The following RBFOX1 variants were observed in gnomAD, a reference collection of about 807,000 sequenced individuals.
RBFOX1 encodes the protein RNA binding protein fox-1 homolog 1.
Under a neutral mutation model 57.7 loss-of-function variants are expected in RBFOX1, and 8 were observed. The observed-to-expected ratio is 0.14, with a 90% CI of 0.08 to 0.25. RBFOX1 has a LOEUF of 0.25. Ranked by LOEUF, RBFOX1 falls within the 10% of genes least tolerant of loss-of-function variation. The probability of loss-of-function intolerance (pLI) is 1.00; values close to 1 mark genes in which losing one functional copy is unlikely to be tolerated. For missense variants in RBFOX1, 611 were observed against 548.5 expected (o/e 1.11, Z -1.14); for synonymous variants, 326 against 222.4 (o/e 1.47, Z -4.15).
At chr16:5,589,258 T>C (rs7194314) in intron 2 of RBFOX1, among the ~76,000 whole-genome samples, 32,489 of 152,030 alleles carry the variant, frequency 0.21, 3,943 homozygotes, top group African/African-American at 0.32. Context: ...AAGGGAATGC[T>C]TCTGTTCCTT....
chr16:6,211,657 C>A (rs935287768), intron 1 of RBFOX1, among the ~76,000 whole-genome samples: 1 of 152,084 alleles, frequency 6.6e-6, no homozygotes, highest in African/African-American at 2.4e-5. Context: ...AGAAGTACCT[C>A]TTTTCTCTCT....
At chr16:6,861,969 G>T (rs1011259862) in intron 3 of RBFOX1, among the ~76,000 whole-genome samples, 1 of 151,830 alleles carries the variant, frequency 6.6e-6, no homozygotes, top group African/African-American at 2.4e-5. Flanking sequence ...TGCAATGGGA[G>T]GCTTGAATCA....
At chr16:6,700,127 G>C (rs1255175431) in intron 3 of RBFOX1, among the ~76,000 whole-genome samples, 3 of 152,048 alleles carry the variant, frequency 2.0e-5, no homozygotes, top group Non-Finnish European at 4.4e-5. Flanking sequence ...GGAAATTGTA[G>C]AGGCATTCCC....
chr16:6,842,731 G>A (rs2093550895), intron 3 of RBFOX1, among the ~76,000 whole-genome samples: 1 of 149,804 alleles, frequency 6.7e-6, no homozygotes, highest in South Asian at 2.1e-4. Flanking sequence ...GTATACATGT[G>A]CCATGGTGGT....
chr16:7,379,193 T>G (rs773443201), intron 4 of RBFOX1, among the ~76,000 whole-genome samples: 26 of 152,190 alleles, frequency 1.7e-4, no homozygotes, highest in Non-Finnish European at 3.5e-4. Context: ...GGGGAGTGTT[T>G]GGAAGAGAAA....
At chr16:7,234,246 A>G (rs2093654053) in intron 4 of RBFOX1, among the ~76,000 whole-genome samples, 5 of 152,096 alleles carry the variant, frequency 3.3e-5, no homozygotes, top group Admixed American at 3.3e-4. Context: ...TACTCAGGCC[A>G]GGTAATGAAT....
chr16:7,223,047 G>C (rs1165548179), intron 4 of RBFOX1, among the ~76,000 whole-genome samples: 2 of 152,200 alleles, frequency 1.3e-5, no homozygotes, highest in Non-Finnish European at 2.9e-5. Flanking sequence ...AATTAAGCCT[G>C]ATTGCAGATG....
At chr16:5,861,157 A>T (rs1471914996) in intron 3 of RBFOX1, among the ~76,000 whole-genome samples, 2 of 152,208 alleles carry the variant, frequency 1.3e-5, no homozygotes, top group East Asian at 3.8e-4. Context: ...ATTTCCTATC[A>T]TGGAACCATG....
chr16:7,295,622 T>G (rs2095873496), intron 4 of RBFOX1, among the ~76,000 whole-genome samples: 2 of 152,066 alleles, frequency 1.3e-5, no homozygotes, highest in Admixed American at 1.3e-4. Flanking sequence ...GAGATAGATC[T>G]TCAGACCAAG....
intron 4 of RBFOX1, among the ~76,000 whole-genome samples, chr16:7,112,444 T>G (rs1201293220): frequency 6.6e-6 from 1 of 150,934 alleles, no homozygotes; most frequent in African/African-American, 2.4e-5. Flanking sequence ...TGGCCTCAAG[T>G]TGTCCGCCCG....
chr16:7,401,772 A>C (rs999009359), intron 4 of RBFOX1, among the ~76,000 whole-genome samples: 2 of 152,186 alleles, frequency 1.3e-5, no homozygotes, highest in African/African-American at 4.8e-5. Flanking sequence ...TATTGGCACA[A>C]CTCAGGAGAT....
intron 4 of RBFOX1, among the ~76,000 whole-genome samples, chr16:7,409,485 T>C (rs2098400674): frequency 6.6e-6 from 1 of 152,234 alleles, no homozygotes; most frequent in South Asian, 2.1e-4. Flanking sequence ...ACAGGGCTCC[T>C]GAACACAATT....
At chr16:6,823,743 G>T (rs757919751) in intron 3 of RBFOX1, among the ~76,000 whole-genome samples, 1 of 152,108 alleles carries the variant, frequency 6.6e-6, no homozygotes, top group Admixed American at 6.5e-5. Flanking sequence ...TTGAAATTTT[G>T]AATGTTAAAT....
chr16:6,729,988 C>T (rs906681202), intron 3 of RBFOX1, among the ~76,000 whole-genome samples: 5 of 151,898 alleles, frequency 3.3e-5, no homozygotes, highest in East Asian at 3.9e-4. Context: ...AATGACTATA[C>T]TTGTTGAATA....
downstream of RBFOX1, among the ~76,000 whole-genome samples, chr16:5,604,680 C>G (rs1042864838): frequency 6.0e-4 from 91 of 152,172 alleles, no homozygotes; most frequent in African/African-American, 2.0e-3. Context: ...TGAGGTCTGT[C>G]CATGCTGATA....
intron 3 of RBFOX1, among the ~76,000 whole-genome samples, chr16:5,837,487 C>G (rs1051560490): frequency 5.3e-5 from 8 of 152,110 alleles, no homozygotes; most frequent in Admixed American, 2.0e-4. Context: ...CAGCCACCCT[C>G]TGCCCTCCTC....
intron 4 of RBFOX1, among the ~76,000 whole-genome samples, chr16:7,221,437 G>A (rs2092724408): frequency 2.0e-5 from 3 of 151,632 alleles, no homozygotes; most frequent in African/African-American, 7.3e-5. Flanking sequence ...CCCAATCTTG[G>A]CTCACTGCAA....
At chr16:7,699,951 C>T (rs1400258137) in intron 14 of RBFOX1, among the ~76,000 whole-genome samples, 1 of 152,092 alleles carries the variant, frequency 6.6e-6, no homozygotes, top group Non-Finnish European at 1.5e-5. Context: ...ATAATCTGGA[C>T]ATTGTCAGTG....
intron 1 of RBFOX1, among the ~76,000 whole-genome samples, chr16:5,416,915 T>C (rs893059342): frequency 6.6e-6 from 1 of 152,182 alleles, no homozygotes; most frequent in African/African-American, 2.4e-5. Context: ...TCTGCCCTCC[T>C]TCAGATGGAA....
Sources: gnomAD v4.1 joint callset for allele counts (sites outside exome capture counted in the v4.1 genomes callset) on GRCh38, gnomAD v4.1.1 for gene constraint, MANE v1.5 for transcripts, NCBI Gene and HGNC (gene_info 2026-07-23, HGNC 2026-07-21) for gene names.